Variants in LYST observed in about 807,000 individuals in gnomAD.
LYST encodes the protein lysosomal-trafficking regulator.
LYST carries 192 observed loss-of-function variants against 413.6 expected under a neutral mutation model. The observed-to-expected ratio is 0.46, with a 90% confidence interval of 0.41 to 0.52. The LOEUF (loss-of-function observed/expected upper bound fraction) is 0.52, where lower values mean the gene tolerates loss of function less well. Ranked by LOEUF, LYST falls within the 20% of genes least tolerant of loss-of-function variation. The pLI is 0.00. For synonymous variants in LYST, 1,525 were observed against 1,567.3 expected (o/e 0.97, Z 0.64); for missense variants, 3,815 against 4,499.9 (o/e 0.85, Z 4.35).
intron 20 of LYST, among the ~76,000 whole-genome samples, chr1:235,768,868 G>A (rs1331447949): frequency 1.3e-5 from 2 of 152,026 alleles, no homozygotes; most frequent in Admixed American, 6.6e-5. Context: ...AGGATCAATC[G>A]ACATATTCTA....
intron 50 of LYST, among the ~76,000 whole-genome samples, chr1:235,670,927 A>G (rs1478390758): frequency 6.6e-6 from 1 of 152,238 alleles, no homozygotes; most frequent in African/African-American, 2.4e-5. Context: ...CAAAAACTAC[A>G]AAGAGCAAAG....
intron 12 of LYST, 146 bp downstream of exon 12, chr1:235,791,553 G>A (rs989855160): frequency 2.4e-5 from 18 of 737,106 alleles, no homozygotes; most frequent in Non-Finnish European, 3.8e-5. Flanking sequence ...GCTTTGATAA[G>A]TCAGGACCTA....
intron 28 of LYST, 111 bp downstream of exon 28, chr1:235,751,099 T>C (rs1666448674): frequency 1.8e-6 from 2 of 1,137,642 alleles, no homozygotes; most frequent in Non-Finnish European, 2.6e-6. Flanking sequence ...AAAATCTTTC[T>C]TAAATTTTAT....
In LYST at chr1:235,734,541, T is replaced by A. The variant is rs190474186; in HGVS notation, c.8477A>T (p.His2826Leu). 6.2e-7 allele frequency: 1 copy of A among 1,613,770 alleles called. No individual in the cohort carries two copies. The highest frequency in any genetic ancestry group is 2.2e-5 in the East Asian group (1 of 44,834). Residue 2826 changes from histidine (H) to leucine (L), a missense_variant, in exon 32 of 53, where the codon CAC (histidine) becomes CTC (leucine). His to Leu is a moderately conservative substitution (Grantham distance 99). Transcript: ENST00000389793. ...LLMNALKLCGHKCIPPSASTK... is the reference protein window; with the variant it reads ...LLMNALKLCGLKCIPPSASTK... Reference sequence around the variant, plus strand: ...TGATGCACTGGGAGGGATGCACTTGTGACCACATAACTTCAAAGCATTCAT... The same window carrying A: ...TGATGCACTGGGAGGGATGCACTTGAGACCACATAACTTCAAAGCATTCAT...
At chr1:235,844,670 A>C (rs1204662820) in intron 1 of LYST, among the ~76,000 whole-genome samples, 2 of 152,086 alleles carry the variant, frequency 1.3e-5, no homozygotes, top group Non-Finnish European at 2.9e-5. Flanking sequence ...TACACCTGGA[A>C]ACAAGATTTT....
chr1:235,816,457 T>TAAAAAAAAAAAAAAAAAAAAAAA (rs1231395765), intron 3 of LYST, among the ~76,000 whole-genome samples: 1 of 103,412 alleles, frequency 9.7e-6, no homozygotes, highest in African/African-American at 5.1e-5. Flanking sequence ...AATAAATAAA[T>TAAAAAAAAAAAAAAAAAAAAAAA]AAAAAATAAA....
intron 1 of LYST, among the ~76,000 whole-genome samples, chr1:235,852,774 G>A (rs1678691682): frequency 6.6e-6 from 1 of 152,056 alleles, no homozygotes; most frequent in African/African-American, 2.4e-5. Context: ...ACGATCTCTG[G>A]GTTAATGACC....
intron 46 of LYST, 43 bp from the exon 47 acceptor site, chr1:235,693,529 C>T (rs771612633): frequency 6.5e-5 from 104 of 1,611,886 alleles, no homozygotes; most frequent in Non-Finnish European, 8.0e-5. Flanking sequence ...TGTCACTGCT[C>T]GACTGTTACA....
intron 47 of LYST, among the ~76,000 whole-genome samples, chr1:235,692,791 C>T (rs187897928): frequency 7.9e-4 from 120 of 151,946 alleles, no homozygotes; most frequent in African/African-American, 2.4e-3. Flanking sequence ...GAGGCCAAGG[C>T]GGGTGAATCA....
At chr1:235,737,875 T>G in intron 31 of LYST, 1 of 1,093,754 alleles carries the variant, frequency 9.1e-7, no homozygotes, top group Non-Finnish European at 1.1e-6. Context: ...CTTGACTGAC[T>G]GTATTTAAAG....
intron 50 of LYST, among the ~76,000 whole-genome samples, chr1:235,670,061 G>A (rs1053372548): frequency 2.0e-5 from 3 of 152,128 alleles, no homozygotes; most frequent in African/African-American, 7.2e-5. Context: ...TCTGTACACA[G>A]GCCCCACCCC....
chr1:235,786,684 T>C (rs979044156), intron 14 of LYST, among the ~76,000 whole-genome samples: 3 of 151,586 alleles, frequency 2.0e-5, no homozygotes, highest in African/African-American at 4.8e-5. Flanking sequence ...ATTAAGAAAA[T>C]GTGGCACATA....
intron 6 of LYST, 47 bp downstream of exon 6, chr1:235,805,696 A>ATATG (rs1558273178): frequency 9.4e-7 from 1 of 1,064,410 alleles, no homozygotes; most frequent in Admixed American, 1.8e-5. Context: ...GTGTGTATAT[A>ATATG]TATGTATATA....
intron 1 of LYST, among the ~76,000 whole-genome samples, chr1:235,872,789 G>A (rs1457985272): frequency 6.6e-6 from 1 of 152,088 alleles, no homozygotes; most frequent in Non-Finnish European, 1.5e-5. Context: ...GGTGGTGCAT[G>A]CCTGTAGTCC....
intron 48 of LYST, among the ~76,000 whole-genome samples, chr1:235,685,794 C>G (rs192922169): frequency 1.3e-5 from 2 of 148,158 alleles, no homozygotes; most frequent in East Asian, 2.1e-4. Flanking sequence ...TGCATTGAGC[C>G]AAGATCACAC....
chr1:235,805,582 TAC>T (rs1329097858), intron 6 of LYST, among the ~76,000 whole-genome samples, 159 bp downstream of exon 6: 4 of 149,256 alleles, frequency 2.7e-5, no homozygotes, highest in Non-Finnish European at 4.4e-5. Context: ...ACATAATATA[TAC>T]ACATATATAA....
chr1:235,775,837 A>G (rs1669181039), intron 17 of LYST, among the ~76,000 whole-genome samples: 1 of 152,150 alleles, frequency 6.6e-6, no homozygotes, highest in Non-Finnish European at 1.5e-5. Flanking sequence ...TGTAGAGACC[A>G]GGTTCACAAG....
In LYST at chr1:235,831,100, T is replaced by C. The variant is rs113369337; in HGVS notation, c.-7-676A>G. ...ATGAACAACGAAATCCCCAAGGAGT[T>C]TCAAAATAGTTTCATCTCTGGGCTA... On this transcript the variant is annotated intron_variant, in intron 2 of 52. Transcript: ENST00000389793. Among the ~76,000 whole-genome samples the C allele has an allele frequency of 9.7e-3, 1,479 of 152,340 alleles. 37 individuals carry two copies. Among genetic ancestry groups the C allele is most frequent in the African/African-American group, 0.032 (1,327 of 41,574 alleles).
intron 48 of LYST, among the ~76,000 whole-genome samples, chr1:235,682,274 G>A (rs563258580): frequency 2.0e-5 from 3 of 152,288 alleles, no homozygotes; most frequent in Non-Finnish European, 4.4e-5. Flanking sequence ...GCAGTAAGCC[G>A]TGATTGTGCC....
Sources: allele counts gnomAD v4.1 joint callset (sites outside exome capture counted in the v4.1 genomes callset), GRCh38; gene constraint gnomAD v4.1.1; transcripts MANE v1.5; gene names NCBI Gene and HGNC (gene_info 2026-07-23, HGNC 2026-07-21).